CPNE4: variants seen among roughly 807,000 people sequenced by gnomAD.
CPNE4 encodes the protein copine 4, also known as copine-4.
In CPNE4, 25 loss-of-function variants were observed where a neutral mutation model predicts 67.9. That is an observed-to-expected ratio of 0.37 (90% CI 0.27 to 0.51). The LOEUF is 0.51. Ranked by LOEUF, CPNE4 falls within the 20% of genes least tolerant of loss-of-function variation. The probability of loss-of-function intolerance (pLI) is 0.93; values close to 1 mark genes in which losing one functional copy is unlikely to be tolerated. For missense variants in CPNE4, 464 were observed against 690.8 expected, an observed-to-expected ratio of 0.67 and a Z score of 3.68; for synonymous variants, 242 against 244.9, an observed-to-expected ratio of 0.99 and a Z score of 0.11.
At chr3:131,970,897 C>G (rs760375209) in intron 1 of CPNE4, among the ~76,000 whole-genome samples, 8 of 152,162 alleles carry the variant, frequency 5.3e-5, no homozygotes, top group Non-Finnish European at 1.0e-4. Context: ...CTGTTGCTGC[C>G]TAACAAACTG....
chr3:131,801,412 A>ATATGTGTG (rs1417378989), intron 2 of CPNE4, among the ~76,000 whole-genome samples: 3 of 33,098 alleles, frequency 9.1e-5, no homozygotes, highest in Non-Finnish European at 2.2e-4. Context: ...AGGTACATAT[A>ATATGTGTG]TACGTGTGTG....
chr3:131,684,131 C>A (rs2080825952), intron 6 of CPNE4, among the ~76,000 whole-genome samples: 1 of 152,152 alleles, frequency 6.6e-6, no homozygotes. Context: ...GGTCATTCAC[C>A]TGATGTTTGG....
At chr3:131,549,914 C>A (rs367889643) in intron 14 of CPNE4, 33 bp downstream of exon 14, 1 of 1,610,098 alleles carries the variant, frequency 6.2e-7, no homozygotes, top group Non-Finnish European at 8.5e-7. Context: ...GAAGAGTAAG[C>A]TCCCCTTAGG....
At chr3:131,593,268 A>AC (rs1350508252) in intron 7 of CPNE4, among the ~76,000 whole-genome samples, 1 of 152,208 alleles carries the variant, frequency 6.6e-6, no homozygotes, top group Non-Finnish European at 1.5e-5. Flanking sequence ...AGACATTTGA[A>AC]CACTAAGTCT....
chr3:131,916,046 C>T (rs943974891), intron 1 of CPNE4, among the ~76,000 whole-genome samples: 9 of 152,098 alleles, frequency 5.9e-5, no homozygotes, highest in East Asian at 3.8e-4. Context: ...CAAGAGAAAT[C>T]GTATAAATGA....
rs77948903 is a variant in CPNE4, at chr3:131,674,838, G to A, written c.592-5074C>T. On this transcript the variant is annotated intron_variant, in intron 6 of 15. Transcript: ENST00000429747. ...TTTCTGATATAATCATTATTATTTA[G>A]TTTCTTCTACTAATTTTGGAGTTTT... is the stretch of plus-strand genomic sequence containing the variant. Among the ~76,000 whole-genome samples, 1,016 of 150,722 alleles carry A rather than the reference G, an allele frequency of 6.7e-3. 32 individuals carry two copies. The highest frequency in any genetic ancestry group is 0.046 in the Admixed American group (689 of 15,132).
chr3:131,718,278 C>A (rs1169910561), intron 3 of CPNE4, among the ~76,000 whole-genome samples: 1 of 152,086 alleles, frequency 6.6e-6, no homozygotes, highest in Non-Finnish European at 1.5e-5. Flanking sequence ...AGCCACTGCA[C>A]CCGGCCAAAG....
intron 1 of CPNE4, among the ~76,000 whole-genome samples, chr3:131,933,790 C>CAA (rs764404007): frequency 2.9e-4 from 34 of 115,942 alleles, no homozygotes; most frequent in African/African-American, 6.9e-4. Flanking sequence ...ACAGAAAGAC[C>CAA]AAAAAAAAAA....
intron 9 of CPNE4, among the ~76,000 whole-genome samples, chr3:131,577,913 C>T (rs77535900): frequency 1.6e-3 from 240 of 152,130 alleles, no homozygotes; most frequent in Non-Finnish European, 2.9e-3. Flanking sequence ...TGTATATATA[C>T]ATAAATACAT....
chr3:132,015,546 T>C (rs1439333525), intron 1 of CPNE4, among the ~76,000 whole-genome samples: 1 of 152,032 alleles, frequency 6.6e-6, no homozygotes, highest in Non-Finnish European at 1.5e-5. Flanking sequence ...ACATATATCA[T>C]ATACGATATG....
intron 7 of CPNE4, among the ~76,000 whole-genome samples, chr3:131,622,018 C>CAAAAAAAAAAAAAAAAAAAAAA (rs34415771): frequency 1.7e-5 from 1 of 58,034 alleles, no homozygotes; most frequent in Non-Finnish European, 3.9e-5. Context: ...GACCCTGTCT[C>CAAAAAAAAAAAAAAAAAAAAAA]AAAAAAAAAA....
Position 131,953,629 on chromosome 3 carries a change from T to C in CPNE4, c.-1-48185A>G, listed in dbSNP as rs757652535. 3.3e-5 allele frequency among the ~76,000 whole-genome samples: 5 copies of C among 152,208 alleles called. No individual in the cohort carries two copies. The South Asian group carries it at 8.3e-4, about 25-fold the overall frequency. On this transcript the variant is annotated intron_variant, in intron 1 of 15. Transcript: ENST00000429747. ...ACATGGATAGAAGTGAAGTTCATTA[T>C]GTTAAGTGAAATAAGCCAAGCACAG...
At chr3:131,766,565 T>C (rs2083022057) in intron 2 of CPNE4, among the ~76,000 whole-genome samples, 1 of 152,132 alleles carries the variant, frequency 6.6e-6, no homozygotes, top group South Asian at 2.1e-4. Context: ...TGGGCACAAT[T>C]GGCTCCCAAA....
intron 2 of CPNE4, among the ~76,000 whole-genome samples, chr3:131,838,706 A>G (rs1271870153): frequency 6.6e-6 from 1 of 151,762 alleles, no homozygotes; most frequent in East Asian, 1.9e-4. Context: ...TTTATACTAT[A>G]AAAGTACTTG....
chr3:131,819,818 TCTC>T (rs1194395488), intron 2 of CPNE4, among the ~76,000 whole-genome samples: 1 of 152,014 alleles, frequency 6.6e-6, no homozygotes, highest in Non-Finnish European at 1.5e-5. Context: ...CAAAAGGAAA[TCTC>T]CTCTGAACCA....
chr3:131,607,733 T>A (rs1013481613), intron 7 of CPNE4, among the ~76,000 whole-genome samples: 9 of 152,116 alleles, frequency 5.9e-5, no homozygotes, highest in Non-Finnish European at 1.2e-4. Flanking sequence ...AATGAAAAAT[T>A]AAAAAGGGCC....
intron 2 of CPNE4, among the ~76,000 whole-genome samples, chr3:131,879,992 A>G (rs1256303834): frequency 6.6e-6 from 1 of 152,002 alleles, no homozygotes; most frequent in Non-Finnish European, 1.5e-5. Flanking sequence ...CCCCTACCCA[A>G]ACCTTTAAAA....
chr3:131,886,868 T>C (rs2087914906), intron 2 of CPNE4, among the ~76,000 whole-genome samples: 1 of 152,248 alleles, frequency 6.6e-6, no homozygotes, highest in Non-Finnish European at 1.5e-5. Flanking sequence ...ATATTTGGAA[T>C]AACTAGCTTA....
At chr3:131,848,909 GT>G (rs530882560) in intron 2 of CPNE4, among the ~76,000 whole-genome samples, 1 of 112,838 alleles carries the variant, frequency 8.9e-6, no homozygotes, top group Non-Finnish European at 1.7e-5. Context: ...TGAAGAAGGC[GT>G]TTTTTTTTCA....
Sources: allele counts gnomAD v4.1 joint callset (sites outside exome capture counted in the v4.1 genomes callset), GRCh38; gene constraint gnomAD v4.1.1; transcripts MANE v1.5; gene names NCBI Gene and HGNC (gene_info 2026-07-23, HGNC 2026-07-21).